The following ODAD2 variants were observed in gnomAD, a reference collection of about 807,000 sequenced individuals.
The protein encoded by ODAD2 is outer dynein arm-docking complex subunit 2.
In ODAD2, 89 loss-of-function variants were observed where a neutral mutation model predicts 106.8. That is an observed-to-expected ratio of 0.83 (90% confidence interval 0.70 to 0.99). The LOEUF (loss-of-function observed/expected upper bound fraction) is 0.99, where lower values mean the gene tolerates loss of function less well. Among genes scored for constraint, ODAD2 ranks in the 50% least tolerant of loss-of-function variants. The probability of loss-of-function intolerance (pLI) is 0.00; values close to 1 mark genes in which losing one functional copy is unlikely to be tolerated. For synonymous variants in ODAD2, 404 were observed against 436.2 expected, an observed-to-expected ratio of 0.93 and a Z score of 0.92; for missense variants, 1,168 against 1,238.5, an observed-to-expected ratio of 0.94 and a Z score of 0.85.
intron 17 of ODAD2, among the ~76,000 whole-genome samples, chr10:27,880,336 T>C (rs191562681): frequency 5.4e-4 from 83 of 152,374 alleles, no homozygotes; most frequent in Non-Finnish European, 1.1e-3. Context: ...GGATGTCTTC[T>C]TGAAGTAAAT....
intron 17 of ODAD2, among the ~76,000 whole-genome samples, chr10:27,870,211 G>T (rs1840756082): frequency 6.6e-6 from 1 of 151,778 alleles, no homozygotes; most frequent in Non-Finnish European, 1.5e-5. Context: ...TTCCCGATCT[G>T]GCCCAACCTC....
In ODAD2 at chr10:27,984,164, A is replaced by C; in HGVS notation, c.682+20T>G. The C allele has an allele frequency of 1.3e-6, 2 of 1,562,066 alleles. No individual in the cohort carries two copies. The highest frequency in any genetic ancestry group is 1.8e-6 in the Non-Finnish European group (2 of 1,137,410). On this transcript the variant is annotated intron_variant, in intron 5 of 19. Transcript: ENST00000305242. Reference sequence around the variant, plus strand: ...ATGAAAATGTAAATAACATAAAATGAGCCTGAGAAAACATCAAACCTGAGG... The same window carrying C: ...ATGAAAATGTAAATAACATAAAATGCGCCTGAGAAAACATCAAACCTGAGG...
At chr10:27,833,220 T>C (rs1037713351) in intron 19 of ODAD2, among the ~76,000 whole-genome samples, 2 of 152,234 alleles carry the variant, frequency 1.3e-5, no homozygotes, top group African/African-American at 2.4e-5. Flanking sequence ...GTCTGATTTA[T>C]TGCTGCCAGT....
intron 17 of ODAD2, among the ~76,000 whole-genome samples, chr10:27,888,891 C>T (rs958148181): frequency 6.6e-6 from 1 of 152,160 alleles, no homozygotes; most frequent in African/African-American, 2.4e-5. Flanking sequence ...TCCTACCTTA[C>T]ACCATATGCA....
At chr10:27,895,972 C>G (rs1327913523) in intron 17 of ODAD2, among the ~76,000 whole-genome samples, 3 of 152,180 alleles carry the variant, frequency 2.0e-5, no homozygotes, top group Non-Finnish European at 2.9e-5. Flanking sequence ...TAAGAAGAAA[C>G]AGCCTTGCAA....
intron 19 of ODAD2, among the ~76,000 whole-genome samples, chr10:27,844,004 C>T (rs989181410): frequency 2.6e-5 from 4 of 152,144 alleles, no homozygotes; most frequent in Non-Finnish European, 4.4e-5. Flanking sequence ...TCAAGACTGA[C>T]CTGGGCAACA....
Position 27,954,687 on chromosome 10 carries a change from A to G in ODAD2, c.1386+6881T>C, listed in dbSNP as rs543089299. Among the ~76,000 whole-genome samples the G allele has an allele frequency of 2.6e-5, 4 of 152,346 alleles. No homozygotes were observed. In the East Asian group the frequency reaches 7.7e-4, roughly 29 times the overall value. ...TCTTTACGCTGCTTTTTCTCCACAC[A>G]TATTTATTTTTGACTGCCAAGAGGC... On this transcript the variant is annotated intron_variant, in intron 10 of 19. Transcript: ENST00000305242.
At chr10:27,931,860 T>G (rs1023703835) in intron 16 of ODAD2, among the ~76,000 whole-genome samples, 2 of 151,230 alleles carry the variant, frequency 1.3e-5, no homozygotes, top group African/African-American at 4.9e-5. Flanking sequence ...TAAATACAAT[T>G]CAGTGCAGAC....
At chr10:27,906,455 G>T (rs10826365) in intron 17 of ODAD2, among the ~76,000 whole-genome samples, 2 of 151,900 alleles carry the variant, frequency 1.3e-5, no homozygotes, top group Non-Finnish European at 2.9e-5. Flanking sequence ...CAGTGTGGCG[G>T]TTCCTCAAGG....
chr10:27,983,401 G>C (rs1250432620), intron 6 of ODAD2, among the ~76,000 whole-genome samples: 1 of 152,150 alleles, frequency 6.6e-6, no homozygotes, highest in African/African-American at 2.4e-5. Context: ...AAGAGGTCTG[G>C]GTCCCAGCTT....
At position 27,812,624 on chromosome 10, in the gene ODAD2, A is replaced by C; in HGVS notation, c.3023T>G (p.Leu1008Arg). The C allele has an allele frequency of 6.3e-7, 1 of 1,590,960 alleles. No individual in the cohort carries two copies. Among genetic ancestry groups the C allele is most frequent in the Non-Finnish European group, 8.5e-7 (1 of 1,173,716 alleles). Residue 1008 changes from leucine to arginine, a missense_variant and splice_region_variant, in exon 20 of 20, where the codon CTT becomes CGT. Leu to Arg is a moderately radical substitution (Grantham distance 102). Coordinates refer to ENST00000305242, the MANE Select transcript of ODAD2 (RefSeq NM_018076.5). ...AGGGGACCCAACCATATCCAGTAGA[A>C]GCTGTCACACATAAGGAGGAGAAGA... The part of the protein sequence containing the change: ...ITMHENGAVK[L>R]LLDMVGSPDQ...
At chr10:27,860,941 C>A in intron 18 of ODAD2, 95 bp from the exon 19 acceptor site, 2 of 1,059,632 alleles carry the variant, frequency 1.9e-6, no homozygotes, top group Admixed American at 2.0e-5. Context: ...ATTAAGACAC[C>A]AATGAGTCTA....
At chr10:27,922,912 C>A (rs780911721) in intron 16 of ODAD2, among the ~76,000 whole-genome samples, 6 of 151,188 alleles carry the variant, frequency 4.0e-5, no homozygotes, top group Admixed American at 2.0e-4. Flanking sequence ...TCTCAAAAAA[C>A]AAAAACAAAA....
At chr10:27,963,157 G>A (rs561959869) in intron 9 of ODAD2, among the ~76,000 whole-genome samples, 3 of 152,028 alleles carry the variant, frequency 2.0e-5, no homozygotes, top group South Asian at 2.1e-4. Flanking sequence ...ACAGGCATGC[G>A]CCACCACATC....
At chr10:27,884,859 A>G (rs1486600757) in intron 17 of ODAD2, among the ~76,000 whole-genome samples, 1 of 152,170 alleles carries the variant, frequency 6.6e-6, no homozygotes, top group South Asian at 2.1e-4. Flanking sequence ...AGGTAGGATG[A>G]ATGCTCAGAA....
At chr10:27,872,722 G>C (rs1286932860) in intron 17 of ODAD2, among the ~76,000 whole-genome samples, 2 of 152,208 alleles carry the variant, frequency 1.3e-5, no homozygotes, top group Non-Finnish European at 2.9e-5. Context: ...GATCATAGTG[G>C]ATAAGCTTTT....
At chr10:27,993,996 G>GTC (rs1850394833) in intron 2 of ODAD2, among the ~76,000 whole-genome samples, 1 of 151,586 alleles carries the variant, frequency 6.6e-6, no homozygotes, top group South Asian at 2.1e-4. Flanking sequence ...GTGTGTGTGT[G>GTC]TGTGTGTGTG....
At chr10:27,924,164 A>C (rs1441466043) in intron 16 of ODAD2, among the ~76,000 whole-genome samples, 1 of 152,076 alleles carries the variant, frequency 6.6e-6, no homozygotes, top group Non-Finnish European at 1.5e-5. Flanking sequence ...AGTTGAAATA[A>C]AAAAGTCAAC....
chr10:27,996,493 T>C (rs1850565711), intron 1 of ODAD2, among the ~76,000 whole-genome samples: 1 of 152,118 alleles, frequency 6.6e-6, no homozygotes, highest in South Asian at 2.1e-4. Flanking sequence ...GGACCGACAA[T>C]GTAAAATATC....
Sources: gnomAD v4.1 joint callset for allele counts (sites outside exome capture counted in the v4.1 genomes callset) on GRCh38, gnomAD v4.1.1 for gene constraint, MANE v1.5 for transcripts, NCBI Gene and HGNC (gene_info 2026-07-23, HGNC 2026-07-21) for gene names.